Variants in CNTN6 observed in about 807,000 individuals in gnomAD.
CNTN6 encodes the protein contactin-6.
A neutral mutation model predicts 122.8 loss-of-function variants in CNTN6; 137 were observed. The observed-to-expected ratio is 1.12, with a 90% CI of 0.97 to 1.29. The LOEUF is 1.29. CNTN6 is among the 50% of genes most tolerant of loss of function. CNTN6 has a pLI of 0.00. For synonymous variants in CNTN6, 570 were observed against 426.0 expected (o/e 1.34, Z -4.16); for missense variants, 1,634 against 1,223.4 (o/e 1.34, Z -5.01).
At chr3:1,119,219 A>C (rs907468371) in intron 1 of CNTN6, among the ~76,000 whole-genome samples, 6 of 151,406 alleles carry the variant, frequency 4.0e-5, no homozygotes, top group Non-Finnish European at 7.4e-5. Context: ...TGGTAGATGT[A>C]GGTCATAATA....
chr3:1,094,182 A>T (rs1327987903), intron 1 of CNTN6, among the ~76,000 whole-genome samples: 1 of 152,186 alleles, frequency 6.6e-6, no homozygotes, highest in Non-Finnish European at 1.5e-5. Flanking sequence ...TGGGTTTATC[A>T]TCTTTTTATT....
intron 7 of CNTN6, among the ~76,000 whole-genome samples, chr3:1,315,732 TCCACACC>T (rs1700007873): frequency 6.6e-6 from 1 of 152,042 alleles, no homozygotes; most frequent in South Asian, 2.1e-4. Context: ...AAAAAGGTCC[TCCACACC>T]CACACATCCA....
intron 11 of CNTN6, among the ~76,000 whole-genome samples, chr3:1,331,108 T>A (rs1259528711): frequency 2.0e-5 from 3 of 151,846 alleles, no homozygotes; most frequent in Non-Finnish European, 4.4e-5. Context: ...GTCTCTGTGG[T>A]TTGTGTAGAG....
intron 2 of CNTN6, among the ~76,000 whole-genome samples, chr3:1,185,655 T>C (rs1033728940): frequency 6.6e-6 from 1 of 152,176 alleles, no homozygotes; most frequent in Non-Finnish European, 1.5e-5. Flanking sequence ...CAATAAATAT[T>C]ATGTGTTAGA....
At chr3:1,355,174 C>T (rs1706348021) in intron 12 of CNTN6, among the ~76,000 whole-genome samples, 1 of 151,610 alleles carries the variant, frequency 6.6e-6, no homozygotes, top group Admixed American at 6.6e-5. Context: ...GGGTCTTTTG[C>T]TTCTTTGTCA....
At chr3:1,325,526 C>T (rs1177941977) in intron 8 of CNTN6, among the ~76,000 whole-genome samples, 1 of 151,828 alleles carries the variant, frequency 6.6e-6, no homozygotes, top group Non-Finnish European at 1.5e-5. Context: ...TTCCCTGGCC[C>T]TGTTCTACAT....
At chr3:1,234,720 C>A (rs947548385) in intron 4 of CNTN6, among the ~76,000 whole-genome samples, 1 of 151,972 alleles carries the variant, frequency 6.6e-6, no homozygotes, top group South Asian at 2.1e-4. Context: ...TGAACAAAAG[C>A]CATGAAGAAA....
At chr3:1,258,192 A>G (rs2094790317) in intron 4 of CNTN6, among the ~76,000 whole-genome samples, 2 of 152,270 alleles carry the variant, frequency 1.3e-5, no homozygotes, top group South Asian at 2.1e-4. Flanking sequence ...GGAGGAAGAA[A>G]AAAAACCTAT....
chr3:1,102,360 T>TAAAGCACAGTA (rs1156774439), intron 1 of CNTN6, among the ~76,000 whole-genome samples: 2 of 152,304 alleles, frequency 1.3e-5, no homozygotes, highest in African/African-American at 4.8e-5. Flanking sequence ...TCCCAATCAC[T>TAAAGCACAGTA]AAAGCACAGT....
intron 7 of CNTN6, among the ~76,000 whole-genome samples, chr3:1,307,800 G>A (rs530101040): frequency 6.6e-6 from 1 of 152,156 alleles, no homozygotes; most frequent in Admixed American, 6.5e-5. Context: ...AATTAGACTG[G>A]GGTTACAAGT....
chr3:1,332,572 A>C (rs1329763115), intron 11 of CNTN6, among the ~76,000 whole-genome samples: 1 of 151,186 alleles, frequency 6.6e-6, no homozygotes, highest in Non-Finnish European at 1.5e-5. Context: ...GAAAGAAAGA[A>C]AGAGAGAGAG....
In CNTN6 at chr3:1,283,798, G is replaced by A. The variant is rs547408973; in HGVS notation, c.454+5290G>A. Among the ~76,000 whole-genome samples the A allele has an allele frequency of 5.6e-4, 85 of 152,176 alleles. No individual in the cohort carries two copies. In the East Asian group the frequency reaches 0.016, roughly 29 times the overall value. ...GCAGATCACCTGAGGTCAGGAGTTC[G>A]AGACCAGCCTGGCCAACATGGTGAA... On this transcript the variant is annotated intron_variant, in intron 5 of 22. Transcript: ENST00000446702.
intron 4 of CNTN6, among the ~76,000 whole-genome samples, chr3:1,245,230 ATATATACAC>A (rs2094550341): frequency 7.2e-4 from 11 of 15,218 alleles, no homozygotes; most frequent in African/African-American, 3.8e-3. Context: ...ATATATATAT[ATATATACAC>A]ACACACATAT....
At chr3:1,121,630 A>G (rs1206334013) in intron 1 of CNTN6, among the ~76,000 whole-genome samples, 1 of 151,948 alleles carries the variant, frequency 6.6e-6, no homozygotes, top group Non-Finnish European at 1.5e-5. Context: ...TAACCATACT[A>G]CAGAAATGGT....
chr3:1,284,497 G>T (rs1161089042), intron 5 of CNTN6, among the ~76,000 whole-genome samples: 1 of 152,044 alleles, frequency 6.6e-6, no homozygotes, highest in Non-Finnish European at 1.5e-5. Context: ...TAATAGTAAC[G>T]ATAATAACCG....
chr3:1,390,029 G>A (rs981269357), intron 20 of CNTN6, among the ~76,000 whole-genome samples: 2 of 151,756 alleles, frequency 1.3e-5, no homozygotes, highest in Non-Finnish European at 2.9e-5. Flanking sequence ...AGGATACCCA[G>A]GAATTGAACT....
intron 17 of CNTN6, among the ~76,000 whole-genome samples, chr3:1,381,018 G>A (rs1027457525): frequency 1.3e-5 from 2 of 151,976 alleles, no homozygotes; most frequent in African/African-American, 4.8e-5. Context: ...AAGAATAAAG[G>A]GAAGTATCTA....
At chr3:1,253,242 T>C (rs1483045942) in intron 4 of CNTN6, among the ~76,000 whole-genome samples, 1 of 152,208 alleles carries the variant, frequency 6.6e-6, no homozygotes, top group Non-Finnish European at 1.5e-5. Context: ...CCATGTCCTT[T>C]ACCCTTGTGT....
At chr3:1,184,571 T>A (rs1251451522) in intron 2 of CNTN6, among the ~76,000 whole-genome samples, 1 of 152,190 alleles carries the variant, frequency 6.6e-6, no homozygotes, top group African/African-American at 2.4e-5. Context: ...TAATAGGCTG[T>A]ATTTGAAGGA....
Sources: allele counts gnomAD v4.1 joint callset (sites outside exome capture counted in the v4.1 genomes callset), GRCh38; gene constraint gnomAD v4.1.1; transcripts MANE v1.5; gene names NCBI Gene and HGNC (gene_info 2026-07-23, HGNC 2026-07-21).